Variants in GALNT2 observed in about 807,000 individuals in gnomAD.
The protein encoded by GALNT2 is UDP-GalNAc:polypeptide N-acetylgalactosaminyltransferase 2.
Under a neutral mutation model 81.4 loss-of-function variants are expected in GALNT2, and 31 were observed. That is an observed-to-expected ratio of 0.38 (90% confidence interval 0.29 to 0.51). The LOEUF is 0.51. Among genes scored for constraint, GALNT2 ranks in the 20% least tolerant of loss-of-function variants. GALNT2 has a pLI of 0.87. For synonymous variants in GALNT2, 303 were observed against 287.4 expected (o/e 1.05, Z -0.55); for missense variants, 629 against 765.7 (o/e 0.82, Z 2.11).
At chr1:230,232,275 C>A (rs1664888420) in intron 3 of GALNT2, among the ~76,000 whole-genome samples, 1 of 152,042 alleles carries the variant, frequency 6.6e-6, no homozygotes, top group Admixed American at 6.6e-5. Flanking sequence ...AAAATGGGAT[C>A]CCTCTTAAGT....
chr1:230,153,975 G>T (rs1192753558), intron 1 of GALNT2, among the ~76,000 whole-genome samples: 1 of 152,146 alleles, frequency 6.6e-6, no homozygotes, highest in Non-Finnish European at 1.5e-5. Context: ...TGTCTGCGTG[G>T]GTGTCTACCT....
chr1:230,101,237 G>A (rs1419481024), intron 1 of GALNT2, among the ~76,000 whole-genome samples: 8 of 152,214 alleles, frequency 5.3e-5, no homozygotes, highest in African/African-American at 1.9e-4. Context: ...CTGTATAGAT[G>A]CGTGTATTCT....
rs749985919 is a variant in GALNT2, at chr1:230,258,277, T to C, written c.1136+2933T>C. On this transcript the variant is annotated intron_variant, in intron 11 of 15. Coordinates refer to ENST00000366672, the MANE Select transcript of GALNT2 (RefSeq NM_004481.5). ...GGAGTTTCGATCTCGTTGCCCACAC[T>C]GGAGTGCAATGGCGTGATCTCAGCT... Among the ~76,000 whole-genome samples, 17 of 151,570 alleles carry C rather than the reference T, an allele frequency of 1.1e-4. No homozygotes were observed. In the East Asian group the frequency reaches 1.4e-3, roughly 12 times the overall value.
intron 8 of GALNT2, among the ~76,000 whole-genome samples, chr1:230,247,015 G>A (rs1381430747): frequency 6.6e-6 from 1 of 151,740 alleles, no homozygotes; most frequent in Non-Finnish European, 1.5e-5. Flanking sequence ...TAAGGTGGGA[G>A]GATTGCTTGA....
chr1:230,266,676 C>A (rs919539074), intron 14 of GALNT2, among the ~76,000 whole-genome samples: 1 of 152,186 alleles, frequency 6.6e-6, no homozygotes, highest in Non-Finnish European at 1.5e-5. Context: ...GAGAGAGGAA[C>A]CTGCCTGCCT....
At chr1:230,264,901 C>T (rs1416030536) in intron 13 of GALNT2, 1 of 221,256 alleles carries the variant, frequency 4.5e-6, no homozygotes, top group African/African-American at 2.3e-5. Flanking sequence ...CAGGATCTGA[C>T]CACATTGATT....
intron 1 of GALNT2, among the ~76,000 whole-genome samples, chr1:230,140,869 G>T (rs890652277): frequency 1.3e-5 from 2 of 152,352 alleles, no homozygotes; most frequent in Non-Finnish European, 2.9e-5. Context: ...CAGTATTTCA[G>T]TGTATTCAGA....
chr1:230,158,295 T>C (rs1026525089), intron 1 of GALNT2, among the ~76,000 whole-genome samples: 6 of 152,218 alleles, frequency 3.9e-5, no homozygotes, highest in African/African-American at 1.4e-4. Context: ...TTCTCTAGTC[T>C]GTAGATAAGG....
At chr1:230,217,941 C>T (rs1664439248) in intron 3 of GALNT2, among the ~76,000 whole-genome samples, 2 of 152,182 alleles carry the variant, frequency 1.3e-5, no homozygotes, top group Admixed American at 1.3e-4. Context: ...CAAACTGTAG[C>T]AGCCATTGAG....
At chr1:230,149,136 C>T (rs921714955) in intron 1 of GALNT2, among the ~76,000 whole-genome samples, 1 of 152,254 alleles carries the variant, frequency 6.6e-6, no homozygotes, top group Non-Finnish European at 1.5e-5. Flanking sequence ...CTGCCTCAGC[C>T]TCCCAAAGTG....
intron 1 of GALNT2, among the ~76,000 whole-genome samples, chr1:230,108,138 C>T (rs1169924065): frequency 1.3e-5 from 2 of 152,216 alleles, no homozygotes; most frequent in Admixed American, 6.5e-5. Context: ...AGCTTGCACC[C>T]TGAGCCACGT....
chr1:230,149,907 G>A (rs1021040072), intron 1 of GALNT2, among the ~76,000 whole-genome samples: 8 of 152,156 alleles, frequency 5.3e-5, no homozygotes, highest in South Asian at 2.1e-4. Context: ...GGGCTTCTCC[G>A]GTGGCCATCA....
At chr1:230,272,149 A>G (rs116495410) in intron 14 of GALNT2, among the ~76,000 whole-genome samples, 159 of 152,296 alleles carry the variant, frequency 1.0e-3, no homozygotes, top group African/African-American at 3.6e-3. Context: ...CAGAGACCAA[A>G]TAATTATTTT....
At chr1:230,203,454 A>G (rs1398355143) in intron 3 of GALNT2, among the ~76,000 whole-genome samples, 164 bp downstream of exon 3, 1 of 152,142 alleles carries the variant, frequency 6.6e-6, no homozygotes, top group Non-Finnish European at 1.5e-5. Flanking sequence ...AACTTCATCC[A>G]TAGGCAGTGG....
rs1666169202 is a variant in GALNT2, at chr1:230,271,857, T to C, written c.1441-2588T>C. ...TGACGGAGGCCTCATCACATGGGCA[T>C]GATCTCCAGCTCCTCTTCCCTTCCC... is the stretch of plus-strand genomic sequence containing the variant. On this transcript the variant is annotated intron_variant, in intron 14 of 15. Coordinates refer to ENST00000366672, the MANE Select transcript of GALNT2 (RefSeq NM_004481.5). This position sits in a 1 kb window ranked among gnomAD's most constrained non-coding sequence, Gnocchi z 4.2. Among the ~76,000 whole-genome samples the C allele has an allele frequency of 2.6e-5, 4 of 152,344 alleles. No homozygotes were observed. In the South Asian group the frequency reaches 8.3e-4, roughly 32 times the overall value.
Position 230,161,683 on chromosome 1 carries a change from T to G in GALNT2, c.127-16535T>G, listed in dbSNP as rs2281720. Among the ~76,000 whole-genome samples the G allele has an allele frequency of 0.026, 3,973 of 152,330 alleles. 451 individuals carry two copies. The East Asian group carries it at 0.39, about 15-fold the overall frequency. Reference sequence around the variant, plus strand: ...ACTTGCTCTCTGACCATTGTGCCTTTGGCGGGTGACTCACATCCATTTCTT... The same window carrying G: ...ACTTGCTCTCTGACCATTGTGCCTTGGGCGGGTGACTCACATCCATTTCTT... On this transcript the variant is annotated intron_variant, in intron 1 of 15. Coordinates refer to ENST00000366672, the MANE Select transcript of GALNT2 (RefSeq NM_004481.5).
intron 10 of GALNT2, among the ~76,000 whole-genome samples, chr1:230,251,669 G>T (rs1337063720): frequency 6.6e-6 from 1 of 152,208 alleles, no homozygotes; most frequent in African/African-American, 2.4e-5. Flanking sequence ...TCTAAAGAGA[G>T]TTCTGTCACC....
intron 1 of GALNT2, among the ~76,000 whole-genome samples, chr1:230,134,454 T>A (rs1661472220): frequency 6.6e-6 from 1 of 152,146 alleles, no homozygotes; most frequent in South Asian, 2.1e-4. Context: ...TTTATCCCCT[T>A]CCCCCAATTC....
At chr1:230,155,839 C>T (rs913559454) in intron 1 of GALNT2, among the ~76,000 whole-genome samples, 4 of 152,176 alleles carry the variant, frequency 2.6e-5, no homozygotes, top group African/African-American at 9.6e-5. Context: ...GCGTCAACCT[C>T]CAGTTCACTC....
Sources: allele counts gnomAD v4.1 joint callset (sites outside exome capture counted in the v4.1 genomes callset), GRCh38; gene constraint gnomAD v4.1.1; non-coding constraint Gnocchi (gnomAD v3.1); transcripts MANE v1.5; gene names NCBI Gene and HGNC (gene_info 2026-07-23, HGNC 2026-07-21).